Variants in GMDS observed in about 807,000 individuals in gnomAD.
GMDS encodes GDP-mannose 4,6 dehydratase.
A neutral mutation model predicts 49.9 loss-of-function variants in GMDS; 20 were observed. The ratio of observed to expected loss-of-function variants is 0.40; its 90% CI spans 0.28 to 0.58. The LOEUF is 0.58. Among genes scored for constraint, GMDS ranks in the 20% least tolerant of loss-of-function variants. The pLI, the probability that GMDS is intolerant of heterozygous loss-of-function variation, is 0.42. For synonymous variants in GMDS, 177 were observed against 178.6 expected, an observed-to-expected ratio of 0.99 and a Z score of 0.07; for missense variants, 362 against 481.4, an observed-to-expected ratio of 0.75 and a Z score of 2.32.
At chr6:1,814,094 A>T (rs2113687353) in intron 7 of GMDS, among the ~76,000 whole-genome samples, 1 of 152,332 alleles carries the variant, frequency 6.6e-6, no homozygotes, top group African/African-American at 2.4e-5. Flanking sequence ...TGACATGTTG[A>T]TAAGAAAAAC....
At chr6:1,688,911 C>T (rs1416496242) in intron 9 of GMDS, among the ~76,000 whole-genome samples, 1 of 152,172 alleles carries the variant, frequency 6.6e-6, no homozygotes, top group Non-Finnish European at 1.5e-5. Flanking sequence ...AGCACTTCAA[C>T]ATCAGCCATT....
intron 4 of GMDS, among the ~76,000 whole-genome samples, chr6:2,068,217 G>A (rs1035978547): frequency 1.3e-5 from 2 of 151,994 alleles, no homozygotes; most frequent in East Asian, 1.9e-4. Context: ...ACTCAACAAC[G>A]CTTCATGCTA....
At chr6:2,225,597 G>A (rs1179396185) in intron 1 of GMDS, among the ~76,000 whole-genome samples, 1 of 152,122 alleles carries the variant, frequency 6.6e-6, no homozygotes, top group Non-Finnish European at 1.5e-5. Flanking sequence ...TTTCCGGCTT[G>A]CATCCGGATC....
chr6:2,035,258 T>G (rs1349203948), intron 4 of GMDS, among the ~76,000 whole-genome samples: 13 of 152,142 alleles, frequency 8.5e-5, no homozygotes, highest in Non-Finnish European at 1.0e-4. Flanking sequence ...AAATTAACTG[T>G]TCTCCCCTCA....
At chr6:1,791,269 T>C (rs1022533476) in intron 7 of GMDS, among the ~76,000 whole-genome samples, 1 of 152,200 alleles carries the variant, frequency 6.6e-6, no homozygotes, top group African/African-American at 2.4e-5. Flanking sequence ...ACAAACTACC[T>C]TGTACTGGGC....
chr6:1,997,430 C>T (rs1766358172), intron 4 of GMDS, among the ~76,000 whole-genome samples: 1 of 150,414 alleles, frequency 6.6e-6, no homozygotes, highest in Admixed American at 6.6e-5. Context: ...TTTGTTTGAA[C>T]CTGGGAGGCG....
chr6:1,991,931 C>T (rs952046692), intron 4 of GMDS, among the ~76,000 whole-genome samples: 2 of 152,168 alleles, frequency 1.3e-5, no homozygotes, highest in African/African-American at 2.4e-5. Context: ...GAGGACAGAT[C>T]GGAGTTACGC....
chr6:1,686,512 C>T (rs192755560), intron 9 of GMDS, among the ~76,000 whole-genome samples: 10 of 152,284 alleles, frequency 6.6e-5, no homozygotes, highest in South Asian at 2.1e-4. Flanking sequence ...CTAGCAAGCA[C>T]GCATCTTTCT....
chr6:2,097,217 T>C (rs1773653961), intron 4 of GMDS, among the ~76,000 whole-genome samples: 1 of 152,150 alleles, frequency 6.6e-6, no homozygotes, highest in African/African-American at 2.4e-5. Context: ...ACTCTGTAGT[T>C]TTATATTTTA....
chr6:1,895,608 C>A (rs1760123445), intron 7 of GMDS, among the ~76,000 whole-genome samples: 3 of 152,204 alleles, frequency 2.0e-5, no homozygotes, highest in Non-Finnish European at 4.4e-5. Context: ...ACTAAAGAAT[C>A]TTTTATTGAA....
intron 9 of GMDS, among the ~76,000 whole-genome samples, chr6:1,661,949 C>G (rs1457841471): frequency 1.3e-5 from 2 of 152,190 alleles, no homozygotes; most frequent in Non-Finnish European, 2.9e-5. Context: ...CCATGACAGA[C>G]AGCTACACTG....
chr6:2,230,940 C>CT (rs1781066738), intron 1 of GMDS, among the ~76,000 whole-genome samples: 1 of 50,028 alleles, frequency 2.0e-5, no homozygotes, highest in Non-Finnish European at 3.8e-5. Flanking sequence ...TCCCCCCTCC[C>CT]ACCCCCCCCC....
chr6:1,996,142 C>T (rs1051418891), intron 4 of GMDS, among the ~76,000 whole-genome samples: 1 of 151,544 alleles, frequency 6.6e-6, no homozygotes, highest in Non-Finnish European at 1.5e-5. Context: ...TCCTCTTCTT[C>T]CTCCTTCCTC....
intron 7 of GMDS, among the ~76,000 whole-genome samples, chr6:1,840,580 T>C (rs1035948406): frequency 6.6e-6 from 1 of 152,152 alleles, no homozygotes; most frequent in Non-Finnish European, 1.5e-5. Context: ...AGAGACGTAT[T>C]TGCTGCTAGT....
intron 9 of GMDS, among the ~76,000 whole-genome samples, chr6:1,659,645 T>A (rs1194355461): frequency 6.6e-6 from 1 of 152,132 alleles, no homozygotes; most frequent in Admixed American, 6.6e-5. Flanking sequence ...ATAGGGTAGC[T>A]GCTTCTCTCA....
intron 9 of GMDS, among the ~76,000 whole-genome samples, chr6:1,714,607 A>T (rs925092455): frequency 5.9e-5 from 9 of 152,192 alleles, no homozygotes; most frequent in African/African-American, 2.2e-4. Flanking sequence ...CAGAGAACTG[A>T]GTGTCTTTTA....
intron 7 of GMDS, among the ~76,000 whole-genome samples, chr6:1,896,874 AG>A (rs1760226683): frequency 6.6e-6 from 1 of 152,172 alleles, no homozygotes; most frequent in South Asian, 2.1e-4. Flanking sequence ...GTGATATAAT[AG>A]GGATGAACAG....
chr6:1,683,006 G>A (rs1225296929), intron 9 of GMDS, among the ~76,000 whole-genome samples: 3 of 151,980 alleles, frequency 2.0e-5, no homozygotes, highest in South Asian at 4.1e-4. Context: ...TCATGGAGAC[G>A]GGGTAAAACC....
chr6:2,167,595 T>C (rs1436504339), intron 1 of GMDS, among the ~76,000 whole-genome samples: 2 of 152,156 alleles, frequency 1.3e-5, no homozygotes, highest in Non-Finnish European at 2.9e-5. Context: ...GATGCCCTTA[T>C]GATTCCACCT....
Sources: allele counts gnomAD v4.1 joint callset (sites outside exome capture counted in the v4.1 genomes callset), GRCh38; gene constraint gnomAD v4.1.1; transcripts MANE v1.5; gene names NCBI Gene and HGNC (gene_info 2026-07-23, HGNC 2026-07-21).